The following GRIA1 variants were observed in gnomAD, a reference collection of about 807,000 sequenced individuals.
GRIA1 encodes glutamate ionotropic receptor AMPA type subunit 1.
A neutral mutation model predicts 99.2 loss-of-function variants in GRIA1; 31 were observed. The observed-to-expected ratio is 0.31, with a 90% CI of 0.23 to 0.42. The LOEUF is 0.42. Ranked by LOEUF, GRIA1 falls within the 10% of genes least tolerant of loss-of-function variation. The pLI is 1.00. For synonymous variants in GRIA1, 438 were observed against 432.4 expected, an observed-to-expected ratio of 1.01 and a Z score of -0.16; for missense variants, 782 against 1,157.5, an observed-to-expected ratio of 0.68 and a Z score of 4.71.
At chr5:153,625,555 G>A (rs1211698122) in intron 2 of GRIA1, among the ~76,000 whole-genome samples, 1 of 152,154 alleles carries the variant, frequency 6.6e-6, no homozygotes, top group East Asian at 1.9e-4. Context: ...AAGGGAGAGT[G>A]GGATGAGAAA....
At chr5:153,497,939 A>T (rs541346306) in intron 2 of GRIA1, among the ~76,000 whole-genome samples, 1 of 152,296 alleles carries the variant, frequency 6.6e-6, no homozygotes, top group South Asian at 2.1e-4. Context: ...TTCCTTGAAG[A>T]GTGGAGTTTG....
At chr5:153,616,944 C>A (rs147576550) in intron 2 of GRIA1, among the ~76,000 whole-genome samples, 1,576 of 152,290 alleles carry the variant, frequency 0.01, 25 homozygotes, top group African/African-American at 0.036. Flanking sequence ...ACTTAACATG[C>A]AGGAACTCAG....
chr5:153,663,710 T>C (rs1323987145), intron 5 of GRIA1, among the ~76,000 whole-genome samples: 1 of 152,206 alleles, frequency 6.6e-6, no homozygotes, highest in Non-Finnish European at 1.5e-5. Context: ...TGGCATAATG[T>C]TTTCAAAAGG....
intron 11 of GRIA1, among the ~76,000 whole-genome samples, chr5:153,710,196 T>A (rs573926619): frequency 4.8e-4 from 73 of 150,900 alleles, no homozygotes; most frequent in African/African-American, 1.8e-3. Context: ...AAGGGACCCA[T>A]GAATTTACTT....
At chr5:153,790,225 G>A (rs1472760080) in intron 13 of GRIA1, among the ~76,000 whole-genome samples, 2 of 152,174 alleles carry the variant, frequency 1.3e-5, no homozygotes, top group African/African-American at 4.8e-5. Context: ...CACTTGCCTG[G>A]AATACCCACG....
At chr5:153,551,666 T>C (rs936817365) in intron 2 of GRIA1, among the ~76,000 whole-genome samples, 1 of 152,192 alleles carries the variant, frequency 6.6e-6, no homozygotes, top group Non-Finnish European at 1.5e-5. Context: ...GCATTATTCA[T>C]AGCCCTTTTG....
At chr5:153,628,012 A>T (rs1767801754) in intron 2 of GRIA1, among the ~76,000 whole-genome samples, 1 of 152,234 alleles carries the variant, frequency 6.6e-6, no homozygotes, top group Non-Finnish European at 1.5e-5. Flanking sequence ...TTGATGCAAG[A>T]TGCTGAGTGC....
At chr5:153,545,423 G>C (rs1456495201) in intron 2 of GRIA1, among the ~76,000 whole-genome samples, 1 of 152,098 alleles carries the variant, frequency 6.6e-6, no homozygotes, top group Admixed American at 6.5e-5. Flanking sequence ...GGAAGTTTGG[G>C]TATCTTTAAG....
intron 11 of GRIA1, among the ~76,000 whole-genome samples, chr5:153,724,678 G>A (rs1479376195): frequency 4.0e-5 from 6 of 151,856 alleles, no homozygotes; most frequent in South Asian, 2.1e-4. Flanking sequence ...GAAATGAAGC[G>A]AGAAGGGAAG....
chr5:153,721,206 C>T (rs1381600078), intron 11 of GRIA1, among the ~76,000 whole-genome samples: 1 of 152,150 alleles, frequency 6.6e-6, no homozygotes, highest in Non-Finnish European at 1.5e-5. Context: ...CATGGTGATG[C>T]TTGTTTTTAT....
At position 153,706,078 on chromosome 5, in the gene GRIA1, T is replaced by G; in HGVS notation, c.1823+11T>G. The G allele has an allele frequency of 6.2e-7, 1 of 1,613,146 alleles. No individual in the cohort carries two copies. The highest frequency in any genetic ancestry group is 8.5e-7 in the Non-Finnish European group (1 of 1,179,254). ...TGACATTTCTCCCAGGTCAGTCAGC[T>G]CTTCTCAATCCCTTTGCCTAATGCT... is the stretch of plus-strand genomic sequence containing the variant. On this transcript the variant is annotated intron_variant, in intron 11 of 15. Coordinates refer to ENST00000285900, the MANE Select transcript of GRIA1 (RefSeq NM_000827.4).
intron 11 of GRIA1, among the ~76,000 whole-genome samples, chr5:153,743,236 G>A (rs1342427876): frequency 6.6e-6 from 1 of 152,192 alleles, no homozygotes; most frequent in African/African-American, 2.4e-5. Flanking sequence ...ATTGTATAAT[G>A]ATTGTCAGTC....
At position 153,802,486 on chromosome 5, in the gene GRIA1, T is replaced by A; in HGVS notation, c.2516T>A (p.Met839Lys). 6.2e-7 allele frequency: 1 copy of A among 1,613,964 alleles called. No individual in the cohort carries two copies. The highest frequency in any genetic ancestry group is 8.5e-7 in the Non-Finnish European group (1 of 1,179,950). Reference sequence around the variant, plus strand: ...AAATCCCGTAGTGAATCCAAGCGGATGAAGGTGGCATCGTCTTCCCGGGCC... The same window carrying A: ...AAATCCCGTAGTGAATCCAAGCGGAAGAAGGTGGCATCGTCTTCCCGGGCC... ...CYKSRSESKRMKGFCLIPQQS... is the reference protein window; with the variant it reads ...CYKSRSESKRKKGFCLIPQQS... The change falls in exon 15 of 16, where the codon ATG (methionine) becomes AAG (lysine). Residue 839 changes from methionine to lysine, a missense_variant. Physicochemically the swap from Met to Lys is moderately conservative, Grantham distance 95. Around this residue, in one of 5 missense-constraint regions of GRIA1, gnomAD observed 119 missense variants for 326.6 expected, o/e 0.36. Coordinates refer to ENST00000285900, the MANE Select transcript of GRIA1 (RefSeq NM_000827.4).
At chr5:153,773,637 A>T (rs1764027565) in intron 13 of GRIA1, among the ~76,000 whole-genome samples, 1 of 152,222 alleles carries the variant, frequency 6.6e-6, no homozygotes, top group Non-Finnish European at 1.5e-5. Flanking sequence ...TTTTGCATAC[A>T]TCTCTGTAAA....
intron 8 of GRIA1, among the ~76,000 whole-genome samples, chr5:153,692,992 G>A (rs543041288): frequency 6.6e-6 from 1 of 152,278 alleles, no homozygotes; most frequent in African/African-American, 2.4e-5. Context: ...TCTTTTAAGT[G>A]TGTTAATTTA....
chr5:153,522,806 T>A (rs1016553433), intron 2 of GRIA1, among the ~76,000 whole-genome samples: 1 of 152,174 alleles, frequency 6.6e-6, no homozygotes, highest in Non-Finnish European at 1.5e-5. Context: ...AATCTTACCA[T>A]GTAACTGCAA....
chr5:153,589,646 T>C (rs1379458311), intron 2 of GRIA1, among the ~76,000 whole-genome samples: 1 of 152,200 alleles, frequency 6.6e-6, no homozygotes, highest in Non-Finnish European at 1.5e-5. Context: ...TGTCTTGAAA[T>C]GATCATTTCA....
At chr5:153,718,234 C>T (rs1759801879) in intron 11 of GRIA1, among the ~76,000 whole-genome samples, 1 of 152,140 alleles carries the variant, frequency 6.6e-6, no homozygotes. Flanking sequence ...TAAAGCAGAA[C>T]ATGCTTTTGA....
intron 2 of GRIA1, among the ~76,000 whole-genome samples, chr5:153,608,158 T>C (rs1258746443): frequency 6.6e-6 from 1 of 152,190 alleles, no homozygotes; most frequent in Non-Finnish European, 1.5e-5. Flanking sequence ...TCTGTCTGCC[T>C]TTGCCCCACT....
Sources: gnomAD v4.1 joint callset for allele counts (sites outside exome capture counted in the v4.1 genomes callset) on GRCh38, gnomAD v4.1.1 for gene constraint, gnomAD v4.1.1 regional missense constraint, MANE v1.5 for transcripts, NCBI Gene and HGNC (gene_info 2026-07-23, HGNC 2026-07-21) for gene names.